The following COLQ variants were observed in gnomAD, a reference collection of about 807,000 sequenced individuals.
COLQ encodes collagen like tail subunit of asymmetric acetylcholinesterase, also known as acetylcholinesterase collagenic tail peptide.
In COLQ, 48 loss-of-function variants were observed where a neutral mutation model predicts 69.0. The observed-to-expected ratio is 0.70, with a 90% confidence interval of 0.55 to 0.88. COLQ has a LOEUF of 0.88. COLQ is among the 40% of genes least tolerant of loss of function. COLQ has a pLI of 0.00. For missense variants in COLQ, 618 were observed against 594.6 expected (o/e 1.04, Z -0.41); for synonymous variants, 217 against 211.2 (o/e 1.03, Z -0.24).
At chr3:15,455,047 A>G (rs1418476580) in intron 15 of COLQ, among the ~76,000 whole-genome samples, 1 of 152,178 alleles carries the variant, frequency 6.6e-6, no homozygotes, top group Non-Finnish European at 1.5e-5. Flanking sequence ...TCTTTAGAGC[A>G]GGGGCTTAAA....
chr3:15,500,856 C>T (rs2062820713), intron 1 of COLQ, among the ~76,000 whole-genome samples: 1 of 152,204 alleles, frequency 6.6e-6, no homozygotes, highest in African/African-American at 2.4e-5. Flanking sequence ...ATTAAGAGCC[C>T]TGGTCTTTAG....
Position 15,451,475 on chromosome 3 carries a change from A to T in COLQ, c.*169T>A, listed in dbSNP as rs550256310. The T allele has an allele frequency of 2.9e-4, 221 of 755,140 alleles. No homozygotes were observed. Among genetic ancestry groups the T allele is most frequent in the Non-Finnish European group, 5.1e-4 (209 of 412,232 alleles). The allele number at this position is 755,140 out of a possible 1,614,324, so 46.8% of individuals were successfully genotyped here. A position where few individuals can be genotyped will look rare whatever the true frequency, so the allele number is the denominator to read the frequency against. On this transcript the variant is annotated 3_prime_UTR_variant, in exon 17 of 17. Transcript: ENST00000383788. The stretch of plus-strand genomic sequence containing the variant: ...ATTAAGACAGGATGCAGTGGTCCTA[A>T]ATTCTTCCAGTCAGACTGAGTTAAC...
intron 8 of COLQ, among the ~76,000 whole-genome samples, chr3:15,474,617 A>C (rs1193329911): frequency 6.6e-6 from 1 of 152,250 alleles, no homozygotes; most frequent in Admixed American, 6.5e-5. Flanking sequence ...AAAGACATGC[A>C]TCACCAATTT....
intron 16 of COLQ, among the ~76,000 whole-genome samples, chr3:15,452,561 A>G (rs752582139): frequency 6.6e-6 from 1 of 152,022 alleles, no homozygotes; most frequent in Non-Finnish European, 1.5e-5. Flanking sequence ...GTGTAACCAC[A>G]GTGAGCGTGG....
intron 1 of COLQ, among the ~76,000 whole-genome samples, chr3:15,497,677 C>T (rs1358920549): frequency 6.6e-6 from 1 of 152,184 alleles, no homozygotes; most frequent in East Asian, 1.9e-4. Flanking sequence ...GGGCCTTTCC[C>T]TGCCTGTGGG....
intron 1 of COLQ, among the ~76,000 whole-genome samples, chr3:15,510,534 C>T (rs372309615): frequency 6.6e-6 from 1 of 151,852 alleles, no homozygotes; most frequent in East Asian, 1.9e-4. Flanking sequence ...ATGGCAAAAC[C>T]CTGTCTCTAC....
intron 12 of COLQ, among the ~76,000 whole-genome samples, chr3:15,463,611 G>T: frequency 6.6e-6 from 1 of 151,992 alleles, no homozygotes; most frequent in Non-Finnish European, 1.5e-5. Flanking sequence ...CTTCCAAAGT[G>T]CTGGGATTAC....
In COLQ at chr3:15,479,320, G is replaced by A. The variant is rs748197387; in HGVS notation, c.366+18C>T. 1 of 1,613,368 alleles carries A rather than the reference G, an allele frequency of 6.2e-7. No individual in the cohort carries two copies. Among genetic ancestry groups the A allele is most frequent in the African/African-American group, 1.3e-5 (1 of 75,038 alleles). On this transcript the variant is annotated intron_variant, in intron 4 of 16. Coordinates refer to ENST00000383788, the MANE Select transcript of COLQ (RefSeq NM_005677.4). ...AATTGCCAAGGAAAGAAGGGTTGAA[G>A]AAAGTAGTGGTCCATACCTTTTCTC...
At chr3:15,454,554 G>T (rs1054245720) in intron 15 of COLQ, among the ~76,000 whole-genome samples, 1 of 151,978 alleles carries the variant, frequency 6.6e-6, no homozygotes, top group African/African-American at 2.4e-5. Flanking sequence ...TCTAGGGGAT[G>T]CCATCCCTGG....
chr3:15,473,930 TC>T lies in COLQ; in HGVS notation c.636+69del. On this transcript the variant is annotated intron_variant, in intron 10 of 16. Transcript: ENST00000383788. The surrounding 1 kb of genome is among the most constrained non-coding windows in gnomAD (Gnocchi z 4.0). ...TGCCTGATAGACAAGGAGGCAGAGTTCTTTTTGTTGTGCTTGGAGGACCTGA... is the reference window on the plus strand; with the variant it reads ...TGCCTGATAGACAAGGAGGCAGAGTTTTTTTGTTGTGCTTGGAGGACCTGA... 6.5e-7 allele frequency: 1 copy of T among 1,531,198 alleles called. No homozygotes were observed. Among genetic ancestry groups the T allele is most frequent in the Non-Finnish European group, 9.0e-7 (1 of 1,106,678 alleles). The allele number at this position is 1,531,198 out of a possible 1,614,324, so 94.9% of individuals were successfully genotyped here.
chr3:15,504,238 G>T (rs1281074606), intron 1 of COLQ, among the ~76,000 whole-genome samples: 1 of 152,208 alleles, frequency 6.6e-6, no homozygotes, highest in Non-Finnish European at 1.5e-5. Context: ...TGCGGTTCGT[G>T]TATTGGTTTT....
Position 15,495,234 on chromosome 3 carries a change from G to C in COLQ, c.107-5597C>G, listed in dbSNP as rs536105599. Among the ~76,000 whole-genome samples the C allele has an allele frequency of 1.1e-4, 16 of 152,288 alleles. No individual in the cohort carries two copies. In the South Asian group the frequency reaches 3.3e-3, roughly 32 times the overall value. Reference sequence around the variant, plus strand: ...TGGGTTTATTGACTCACTGCAAAGAGGGAGAACACACACCGGAAGGAACCG... The same window carrying C: ...TGGGTTTATTGACTCACTGCAAAGACGGAGAACACACACCGGAAGGAACCG... On this transcript the variant is annotated intron_variant, in intron 1 of 16. Coordinates refer to ENST00000383788, the MANE Select transcript of COLQ (RefSeq NM_005677.4).
rs1161768482 is a variant in COLQ, at chr3:15,479,004, C to T, written c.367-1G>A. 6.2e-7 allele frequency: 1 copy of T among 1,614,096 alleles called. No homozygotes were observed. Among genetic ancestry groups the T allele is most frequent in the Non-Finnish European group, 8.5e-7 (1 of 1,180,048 alleles). ...TCCTTCCTGGTCGGCCAAGCTCCCCCTATGGATGGAGAAGACAGGTAAGGA... is the reference window on the plus strand; with the variant it reads ...TCCTTCCTGGTCGGCCAAGCTCCCCTTATGGATGGAGAAGACAGGTAAGGA... On this transcript the variant is annotated splice_acceptor_variant, in intron 4 of 16. Coordinates refer to ENST00000383788, the MANE Select transcript of COLQ (RefSeq NM_005677.4). LOFTEE classifies it high-confidence loss of function.
At chr3:15,468,638 A>C (rs2062237153) in intron 11 of COLQ, among the ~76,000 whole-genome samples, 1 of 152,166 alleles carries the variant, frequency 6.6e-6, no homozygotes, top group African/African-American at 2.4e-5. Flanking sequence ...CCGGCTGAGA[A>C]GATTTTTATA....
At chr3:15,498,649 G>C in intron 1 of COLQ, 1 of 1,551,036 alleles carries the variant, frequency 6.4e-7, no homozygotes. Context: ...GCTGAGATTC[G>C]TCACGCCTCT....
intron 15 of COLQ, 153 bp downstream of exon 15, chr3:15,455,746 G>A: frequency 1.1e-6 from 1 of 914,538 alleles, no homozygotes; most frequent in Non-Finnish European, 1.7e-6. Flanking sequence ...TGGGGCAGCA[G>A]GGACTGGGGT....
intron 1 of COLQ, among the ~76,000 whole-genome samples, chr3:15,492,056 C>CA (rs58987336): frequency 0.075 from 7,346 of 97,562 alleles, 301 homozygotes; most frequent in Admixed American, 0.2. Flanking sequence ...GACTCCATCT[C>CA]AAAAAAAAAA....
chr3:15,513,105 A>G (rs1470324543), intron 1 of COLQ, among the ~76,000 whole-genome samples: 4 of 152,168 alleles, frequency 2.6e-5, no homozygotes, highest in African/African-American at 4.8e-5. Flanking sequence ...ATTAAATATA[A>G]TATGTGTCAA....
chr3:15,509,999 C>T (rs577295099), intron 1 of COLQ, among the ~76,000 whole-genome samples: 2 of 151,898 alleles, frequency 1.3e-5, no homozygotes, highest in African/African-American at 2.4e-5. Flanking sequence ...GGTGAAACCC[C>T]GTCTCTACTA....
Sources: allele counts gnomAD v4.1 joint callset (sites outside exome capture counted in the v4.1 genomes callset), GRCh38; gene constraint gnomAD v4.1.1; non-coding constraint Gnocchi (gnomAD v3.1); transcripts MANE v1.5; gene names NCBI Gene and HGNC (gene_info 2026-07-23, HGNC 2026-07-21).